Variants in EYA3 observed in about 807,000 individuals in gnomAD.
EYA3 encodes the protein protein phosphatase EYA3.
In EYA3, 39 loss-of-function variants were observed where a neutral mutation model predicts 80.0. That is an observed-to-expected ratio of 0.49 (90% CI 0.38 to 0.64). The LOEUF is 0.64. Among genes scored for constraint, EYA3 ranks in the 30% least tolerant of loss-of-function variants. EYA3 has a pLI of 0.00. For missense variants in EYA3, 523 were observed against 676.1 expected, an observed-to-expected ratio of 0.77 and a Z score of 2.51; for synonymous variants, 206 against 232.8, an observed-to-expected ratio of 0.88 and a Z score of 1.05.
chr1:28,031,625 G>A (rs1387502005), intron 6 of EYA3, among the ~76,000 whole-genome samples: 4 of 152,128 alleles, frequency 2.6e-5, no homozygotes, highest in Non-Finnish European at 5.9e-5. Flanking sequence ...ATAGTAACTC[G>A]TATAGTGCTC....
At chr1:27,977,400 A>G in intron 17 of EYA3, 1 of 1,549,572 alleles carries the variant, frequency 6.5e-7, no homozygotes, top group Non-Finnish European at 8.7e-7. Flanking sequence ...CTGGAAGAAA[A>G]TAAATTGGGA....
chr1:28,082,390 A>T (rs1645460800), intron 1 of EYA3, among the ~76,000 whole-genome samples: 1 of 152,136 alleles, frequency 6.6e-6, no homozygotes, highest in Non-Finnish European at 1.5e-5. Context: ...TTAATAAAGG[A>T]ACAAAAGAAT....
At chr1:28,054,103 T>C (rs1644361195) in intron 2 of EYA3, among the ~76,000 whole-genome samples, 1 of 152,208 alleles carries the variant, frequency 6.6e-6, no homozygotes, top group African/African-American at 2.4e-5. Flanking sequence ...TCATATTCCA[T>C]ATGCTAGAGG....
intron 12 of EYA3, among the ~76,000 whole-genome samples, chr1:27,998,994 C>T (rs887706223): frequency 8.5e-5 from 13 of 152,276 alleles, no homozygotes; most frequent in African/African-American, 3.1e-4. Context: ...GTCTCGAACT[C>T]CTGACCTCAA....
chr1:28,025,570 T>G (rs942447405), intron 7 of EYA3, among the ~76,000 whole-genome samples: 1 of 152,178 alleles, frequency 6.6e-6, no homozygotes, highest in Non-Finnish European at 1.5e-5. Context: ...GTGTGCAACA[T>G]CTATCCACTG....
At chr1:27,988,093 C>T (rs1639791367) in intron 16 of EYA3, among the ~76,000 whole-genome samples, 1 of 152,148 alleles carries the variant, frequency 6.6e-6, no homozygotes, top group Non-Finnish European at 1.5e-5. Flanking sequence ...TGGTGTTGAA[C>T]TCCTGGCCTC....
chr1:28,059,715 A>ATTTTTTT (rs1224157714), intron 1 of EYA3, among the ~76,000 whole-genome samples: 7 of 113,612 alleles, frequency 6.2e-5, no homozygotes, highest in African/African-American at 1.3e-4. Context: ...CATTTGTTGG[A>ATTTTTTT]TTTTTTTTTT....
intron 1 of EYA3, among the ~76,000 whole-genome samples, chr1:28,073,900 A>G (rs1287836142): frequency 6.6e-6 from 1 of 152,236 alleles, no homozygotes; most frequent in Non-Finnish European, 1.5e-5. Context: ...AAATTCTATG[A>G]CTGTAATACA....
intron 8 of EYA3, among the ~76,000 whole-genome samples, chr1:28,015,805 TG>T (rs1371126079): frequency 3.9e-5 from 6 of 152,114 alleles, no homozygotes; most frequent in African/African-American, 9.7e-5. Flanking sequence ...AGAAAAATAA[TG>T]GAAGATATCT....
At chr1:28,011,168 T>G in intron 9 of EYA3, 82 bp from the exon 10 acceptor site, 1 of 1,443,160 alleles carries the variant, frequency 6.9e-7, no homozygotes, top group Non-Finnish European at 9.4e-7. Context: ...GTGGACTCTC[T>G]GCCCTTGTGA....
At chr1:28,075,642 A>G (rs1210235167) in intron 1 of EYA3, among the ~76,000 whole-genome samples, 1 of 152,214 alleles carries the variant, frequency 6.6e-6, no homozygotes, top group Non-Finnish European at 1.5e-5. Flanking sequence ...AAAATGCCAC[A>G]AAGTTTGCTG....
chr1:28,020,440 C>A (rs1310938914), intron 7 of EYA3, among the ~76,000 whole-genome samples: 1 of 152,170 alleles, frequency 6.6e-6, no homozygotes, highest in Non-Finnish European at 1.5e-5. Context: ...TGCCTAGAAA[C>A]CATTTCAGCC....
intron 1 of EYA3, among the ~76,000 whole-genome samples, chr1:28,086,192 C>G (rs1171944079): frequency 6.6e-6 from 1 of 151,826 alleles, no homozygotes; most frequent in African/African-American, 2.4e-5. Flanking sequence ...AAAAAAATGA[C>G]CTTGGAAATT....
chr1:28,025,455 G>A (rs12025113), intron 7 of EYA3, among the ~76,000 whole-genome samples: 26,722 of 152,054 alleles, frequency 0.18, 2,980 homozygotes, highest in East Asian at 0.25. Flanking sequence ...CTAATGTCCT[G>A]CCTTAATTAT....
intron 3 of EYA3, among the ~76,000 whole-genome samples, chr1:28,043,008 C>A (rs12741247): frequency 6.6e-6 from 1 of 152,164 alleles, no homozygotes; most frequent in East Asian, 1.9e-4. Flanking sequence ...CCATGCCCAG[C>A]TAATTTTTGT....
intron 13 of EYA3, among the ~76,000 whole-genome samples, chr1:27,994,290 C>T (rs577677913): frequency 6.6e-6 from 1 of 152,344 alleles, no homozygotes; most frequent in East Asian, 1.9e-4. Flanking sequence ...CTAAAGCCTT[C>T]TGTCATCAGC....
intron 1 of EYA3, among the ~76,000 whole-genome samples, chr1:28,071,230 T>C (rs973402811): frequency 2.0e-5 from 3 of 152,196 alleles, no homozygotes; most frequent in African/African-American, 4.8e-5. Flanking sequence ...AGCCTCACCA[T>C]ACTGTTTGAT....
chr1:28,087,549 G>A (rs556015356), intron 1 of EYA3, among the ~76,000 whole-genome samples: 1 of 152,208 alleles, frequency 6.6e-6, no homozygotes, highest in African/African-American at 2.4e-5. Context: ...ACCACTTTTC[G>A]GAAACAACAC....
chr1:28,086,925 A>G (rs1416506244), intron 1 of EYA3, among the ~76,000 whole-genome samples: 1 of 152,250 alleles, frequency 6.6e-6, no homozygotes, highest in Non-Finnish European at 1.5e-5. Flanking sequence ...TGCTAAAAAC[A>G]GCTGAAGAGA....
Sources: gnomAD v4.1 joint callset for allele counts (sites outside exome capture counted in the v4.1 genomes callset) on GRCh38, gnomAD v4.1.1 for gene constraint, MANE v1.5 for transcripts, NCBI Gene and HGNC (gene_info 2026-07-23, HGNC 2026-07-21) for gene names.